The following DHRSX variants were observed in gnomAD, a reference collection of about 807,000 sequenced individuals.
DHRSX encodes the protein polyprenol dehydrogenase.
In DHRSX, 31 loss-of-function variants were observed where a neutral mutation model predicts 34.0. The observed-to-expected ratio is 0.91, with a 90% confidence interval of 0.69 to 1.23. DHRSX has a LOEUF of 1.23. Among genes scored for constraint, DHRSX ranks in the 50% most tolerant of loss-of-function variants. The pLI, the probability that DHRSX is intolerant of heterozygous loss-of-function variation, is 0.00. For missense variants in DHRSX, 414 were observed against 428.1 expected, an observed-to-expected ratio of 0.97 and a Z score of 0.29; for synonymous variants, 201 against 183.8, an observed-to-expected ratio of 1.09 and a Z score of -0.76.
chrX:2,246,706 G>GAGAAAGAAAGAAAGAAAGAAAAGAAAGAA lies in DHRSX; in HGVS notation c.597-3477_597-3476insTTCTTTCTTTTCTTTCTTTCTTTCTTTCT, dbSNP rs1556432408. Among the ~76,000 whole-genome samples the GAGAAAGAAAGAAAGAAAGAAAAGAAAGAA allele has an allele frequency of 4.1e-3, 444 of 107,484 alleles. 6 individuals carry two copies. Among genetic ancestry groups the GAGAAAGAAAGAAAGAAAGAAAAGAAAGAA allele is most frequent in the African/African-American group, 0.014 (402 of 29,598 alleles). The allele number at this position is 107,484 out of a possible 152,430, so 70.5% of individuals were successfully genotyped here. A position where few individuals can be genotyped will look rare whatever the true frequency, so the allele number is the denominator to read the frequency against. ...AGAAAAAGAAAAGAAAAGAAAGAAA[G>GAGAAAGAAAGAAAGAAAGAAAAGAAAGAA]AGAAAGAAAGAAAGAAAGAAAGAAA... On this transcript the variant is annotated intron_variant, in intron 5 of 6. Transcript: ENST00000334651.
At chrX:2,243,998 T>C (rs1027816163) in intron 5 of DHRSX, among the ~76,000 whole-genome samples, 4 of 151,798 alleles carry the variant, frequency 2.6e-5, no homozygotes, top group African/African-American at 9.7e-5. Flanking sequence ...CTTGAACTCC[T>C]GACCTCGGGT....
intron 5 of DHRSX, among the ~76,000 whole-genome samples, chrX:2,251,624 C>T (rs1462876295): frequency 1.3e-5 from 2 of 152,140 alleles, no homozygotes; most frequent in Non-Finnish European, 2.9e-5. Context: ...CTGTACTCTC[C>T]TGGCAAAACT....
chrX:2,484,962 G>A (rs962411052), intron 1 of DHRSX, among the ~76,000 whole-genome samples: 2 of 151,616 alleles, frequency 1.3e-5, no homozygotes, highest in Admixed American at 1.3e-4. Context: ...TAAAACATCC[G>A]AAACCTTTTT....
intron 2 of DHRSX, among the ~76,000 whole-genome samples, chrX:2,416,429 A>G (rs994840946): frequency 1.1e-4 from 16 of 152,216 alleles, no homozygotes; most frequent in African/African-American, 3.9e-4. Context: ...CTCTTACTAA[A>G]TAAAAAGATT....
At chrX:2,417,685 C>G (rs1359106775) in intron 2 of DHRSX, among the ~76,000 whole-genome samples, 1 of 152,012 alleles carries the variant, frequency 6.6e-6, no homozygotes, top group East Asian at 1.9e-4. Context: ...CATGACCTAG[C>G]CAAACCACAC....
At chrX:2,489,905 C>A (rs1365692512) in intron 1 of DHRSX, 1 of 1,613,890 alleles carries the variant, frequency 6.2e-7, no homozygotes, top group Non-Finnish European at 8.5e-7. Flanking sequence ...GATGTCCTTG[C>A]CATAGTTGGT....
rs377468914 is a variant in DHRSX, at chrX:2,328,844, T to C, written c.287-37241A>G. On this transcript the variant is annotated intron_variant, in intron 3 of 6. Transcript: ENST00000334651. ...TGCAGAGTACCCCAGCATCTTTAGG[T>C]GGTGGTAGAAGAGACTCCAGCATCT... Among the ~76,000 whole-genome samples, 378 of 152,122 alleles carry C rather than the reference T, an allele frequency of 2.5e-3. 1 individual carries two copies. Among genetic ancestry groups the C allele is most frequent in the African/African-American group, 8.7e-3 (360 of 41,528 alleles).
At chrX:2,379,073 G>A (rs1426051310) in intron 3 of DHRSX, among the ~76,000 whole-genome samples, 1 of 152,178 alleles carries the variant, frequency 6.6e-6, no homozygotes, top group Non-Finnish European at 1.5e-5. Context: ...CCCTAGATGG[G>A]ACCGTCTAGT....
chrX:2,371,130 C>T (rs892278404), intron 3 of DHRSX, among the ~76,000 whole-genome samples: 17 of 151,764 alleles, frequency 1.1e-4, no homozygotes, highest in East Asian at 1.9e-4. Flanking sequence ...TCCCTCCCCG[C>T]CATTACCATA....
intron 1 of DHRSX, among the ~76,000 whole-genome samples, chrX:2,457,497 GGACAGCACTCAA>G (rs1177355282): frequency 6.7e-6 from 1 of 149,606 alleles, no homozygotes; most frequent in East Asian, 2.0e-4. Context: ...TGCAGCCAAG[GGACAGCACTCAA>G]GACATTCCCT....
intron 1 of DHRSX, among the ~76,000 whole-genome samples, chrX:2,428,042 G>A (rs903296457): frequency 6.6e-5 from 10 of 152,046 alleles, no homozygotes; most frequent in Non-Finnish European, 1.2e-4. Context: ...CCTTATAAGC[G>A]GGAATTAAAT....
intron 6 of DHRSX, among the ~76,000 whole-genome samples, chrX:2,236,954 C>T (rs184818927): frequency 1.5e-3 from 228 of 151,828 alleles, no homozygotes; most frequent in Non-Finnish European, 2.2e-3. Flanking sequence ...TTCGGCAGGC[C>T]GAGGCAGGCG....
chrX:2,376,155 G>A (rs1450192932), intron 3 of DHRSX, among the ~76,000 whole-genome samples: 5 of 137,480 alleles, frequency 3.6e-5, no homozygotes, highest in Non-Finnish European at 6.9e-5. Flanking sequence ...AGAATTTGGC[G>A]AACACGTGAA....
chrX:2,442,750 G>A (rs1338615343), intron 1 of DHRSX, among the ~76,000 whole-genome samples: 1 of 152,160 alleles, frequency 6.6e-6, no homozygotes, highest in Non-Finnish European at 1.5e-5. Context: ...GATGAAAAGT[G>A]TGACTTGTTA....
chrX:2,399,725 C>CAAAAAAAAAAA (rs779558142), intron 3 of DHRSX, among the ~76,000 whole-genome samples: 53 of 35,076 alleles, frequency 1.5e-3, no homozygotes, highest in African/African-American at 2.5e-3. Flanking sequence ...AAACAAAAAG[C>CAAAAAAAAAAA]AAAAAAAAAA....
At chrX:2,450,580 T>G (rs1203396884) in intron 1 of DHRSX, among the ~76,000 whole-genome samples, 1 of 152,054 alleles carries the variant, frequency 6.6e-6, no homozygotes, top group Non-Finnish European at 1.5e-5. Flanking sequence ...AAAGGAAAGG[T>G]GGGCTTTCCC....
intron 1 of DHRSX, among the ~76,000 whole-genome samples, chrX:2,490,994 C>T (rs1179706939): frequency 1.3e-5 from 2 of 151,988 alleles, no homozygotes; most frequent in East Asian, 1.9e-4. Context: ...GCAGCGATGC[C>T]GCACGTGTCA....
intron 3 of DHRSX, among the ~76,000 whole-genome samples, chrX:2,337,035 ACAT>A (rs1395263420): frequency 1.3e-5 from 2 of 152,048 alleles, no homozygotes; most frequent in South Asian, 2.1e-4. Flanking sequence ...TGAACTCCTG[ACAT>A]CATGATCCAC....
rs770943012 is a variant in DHRSX, at chrX:2,482,198, C to T, written c.109+18619G>A. On this transcript the variant is annotated intron_variant, in intron 1 of 6. Coordinates refer to ENST00000334651, the MANE Select transcript of DHRSX (RefSeq NM_145177.3). Reference sequence around the variant, plus strand: ...AGGCTGGAGTGCAGTGGTGCGATCACATTTCACTGCAGCCTCCAACTCCCT... The same window carrying T: ...AGGCTGGAGTGCAGTGGTGCGATCATATTTCACTGCAGCCTCCAACTCCCT... Among the ~76,000 whole-genome samples the T allele has an allele frequency of 5.3e-5, 8 of 151,484 alleles. No homozygotes were observed. The South Asian group carries it at 1.3e-3, about 24-fold the overall frequency.
Sources: gnomAD v4.1 joint callset for allele counts (sites outside exome capture counted in the v4.1 genomes callset) on GRCh38, gnomAD v4.1.1 for gene constraint, MANE v1.5 for transcripts, NCBI Gene and HGNC (gene_info 2026-07-23, HGNC 2026-07-21) for gene names.